PDE4D: variants seen among roughly 807,000 people sequenced by gnomAD.
PDE4D encodes 3',5'-cyclic-AMP phosphodiesterase 4D.
Under a neutral mutation model 87.4 loss-of-function variants are expected in PDE4D, and 24 were observed. The observed-to-expected ratio is 0.27, with a 90% confidence interval of 0.20 to 0.39. The LOEUF is 0.39. Ranked by LOEUF, PDE4D falls within the 10% of genes least tolerant of loss-of-function variation. The pLI is 1.00. For synonymous variants in PDE4D, 384 were observed against 383.2 expected (o/e 1.00, Z -0.02); for missense variants, 714 against 1,041.0 (o/e 0.69, Z 4.32).
intron 1 of PDE4D, among the ~76,000 whole-genome samples, chr5:59,649,551 C>A (rs894619517): frequency 6.6e-6 from 1 of 151,926 alleles, no homozygotes; most frequent in Non-Finnish European, 1.5e-5. Context: ...CCTTGGGAAG[C>A]AGGATTTTGA....
intron 1 of PDE4D, among the ~76,000 whole-genome samples, chr5:59,659,825 C>A (rs572145758): frequency 6.6e-6 from 1 of 152,250 alleles, no homozygotes; most frequent in South Asian, 2.1e-4. Flanking sequence ...CATCAAGATA[C>A]CAGCAGTTAG....
chr5:60,163,245 C>T (rs1782611160), intron 2 of PDE4D, among the ~76,000 whole-genome samples: 1 of 152,138 alleles, frequency 6.6e-6, no homozygotes, highest in African/African-American at 2.4e-5. Flanking sequence ...TTGTTATTCT[C>T]TCTCCACTTT....
intron 1 of PDE4D, among the ~76,000 whole-genome samples, chr5:60,462,951 A>C (rs971222146): frequency 1.3e-5 from 2 of 152,226 alleles, no homozygotes; most frequent in East Asian, 3.9e-4. Flanking sequence ...GTTTTCCTAC[A>C]AAGTTTGCTC....
At chr5:59,363,128 T>C (rs1336749557) in intron 1 of PDE4D, among the ~76,000 whole-genome samples, 3 of 152,192 alleles carry the variant, frequency 2.0e-5, no homozygotes, top group Non-Finnish European at 4.4e-5. Flanking sequence ...GTTTATTCTG[T>C]GGTGTTTATT....
intron 1 of PDE4D, among the ~76,000 whole-genome samples, chr5:60,416,447 G>T (rs1742572494): frequency 6.6e-6 from 1 of 152,140 alleles, no homozygotes; most frequent in Non-Finnish European, 1.5e-5. Context: ...AAGGTCTGCA[G>T]CTTCACTCCG....
chr5:60,162,802 G>A (rs1034197875), intron 2 of PDE4D, among the ~76,000 whole-genome samples: 2 of 151,822 alleles, frequency 1.3e-5, no homozygotes, highest in Non-Finnish European at 2.9e-5. Context: ...GGCAAAGGAA[G>A]AAATTAATTT....
intron 1 of PDE4D, among the ~76,000 whole-genome samples, chr5:60,284,214 G>A (rs754887665): frequency 1.3e-5 from 2 of 152,206 alleles, no homozygotes; most frequent in East Asian, 1.9e-4. Flanking sequence ...AGTATAGAGA[G>A]CTATTAATGT....
chr5:60,514,067 C>G (rs896300609), intron 1 of PDE4D, among the ~76,000 whole-genome samples: 10 of 151,564 alleles, frequency 6.6e-5, no homozygotes, highest in African/African-American at 2.4e-4. Flanking sequence ...TTTGAAATGA[C>G]TAATAAAACT....
At chr5:59,844,004 G>A (rs531348142) in intron 1 of PDE4D, among the ~76,000 whole-genome samples, 9 of 152,028 alleles carry the variant, frequency 5.9e-5, no homozygotes, top group Non-Finnish European at 1.0e-4. Context: ...ATCAGAGTAG[G>A]TCTGTTATAC....
chr5:59,987,750 C>G (rs1428728679), intron 3 of PDE4D: 1 of 152,158 alleles, frequency 6.6e-6, no homozygotes, highest in African/African-American at 2.4e-5. Context: ...CAGCTGGTCA[C>G]AAGAACAAAT....
At chr5:60,135,918 A>G (rs1029291343) in intron 2 of PDE4D, among the ~76,000 whole-genome samples, 2 of 152,184 alleles carry the variant, frequency 1.3e-5, no homozygotes, top group African/African-American at 2.4e-5. Context: ...AGCTTCTTTG[A>G]CAATAGACCT....
intron 2 of PDE4D, among the ~76,000 whole-genome samples, chr5:59,214,971 A>C (rs950520490): frequency 1.3e-5 from 2 of 152,174 alleles, no homozygotes; most frequent in African/African-American, 4.8e-5. Flanking sequence ...AAGATGGTGA[A>C]TGTTATTGGA....
At chr5:59,268,666 T>C (rs965793428) in intron 1 of PDE4D, among the ~76,000 whole-genome samples, 1 of 152,128 alleles carries the variant, frequency 6.6e-6, no homozygotes, top group African/African-American at 2.4e-5. Context: ...ATTAAGACTG[T>C]GCTTTCTTTG....
chr5:60,324,366 G>A (rs1241914571), intron 1 of PDE4D, among the ~76,000 whole-genome samples: 1 of 152,172 alleles, frequency 6.6e-6, no homozygotes, highest in African/African-American at 2.4e-5. Context: ...ATCATGTTCA[G>A]TAGTTTTTTA....
At chr5:60,088,121 A>G (rs1327528494) in intron 2 of PDE4D, among the ~76,000 whole-genome samples, 1 of 152,110 alleles carries the variant, frequency 6.6e-6, no homozygotes, top group Non-Finnish European at 1.5e-5. Context: ...GGAAACAAAT[A>G]CAAAAAGCCA....
intron 5 of PDE4D, among the ~76,000 whole-genome samples, chr5:59,052,925 CT>C (rs1161151667): frequency 6.6e-6 from 1 of 151,996 alleles, no homozygotes; most frequent in Non-Finnish European, 1.5e-5. Flanking sequence ...ATAAGAGCTG[CT>C]TTTAATAGTA....
chr5:59,480,835 T>C (rs1016782707), intron 1 of PDE4D, among the ~76,000 whole-genome samples: 11 of 152,192 alleles, frequency 7.2e-5, no homozygotes, highest in African/African-American at 2.7e-4. Flanking sequence ...TGTCATTTAC[T>C]TTATTACAAT....
rs928175542 is a variant in PDE4D at position 59,592,063 on chromosome 5, A to C, written c.455+301105T>G. 1.1e-5 allele frequency: 9 copies of C among 799,466 alleles called. No individual in the cohort carries two copies. The African/African-American group carries it at 1.7e-4, about 15-fold the overall frequency. The allele number at this position is 799,466 out of a possible 1,614,324, so 49.5% of individuals were successfully genotyped here. The stretch of plus-strand genomic sequence containing the variant: ...GAGTGTGCCATCAGAATGAGACCTG[A>C]GGTGGCTGTGCTTCCAACCCCACCT... On this transcript the variant is annotated intron_variant, in intron 1 of 14. Coordinates refer to ENST00000340635, the MANE Select transcript of PDE4D (RefSeq NM_001104631.2).
intron 1 of PDE4D, among the ~76,000 whole-genome samples, chr5:59,224,850 C>A (rs1339067879): frequency 1.3e-5 from 2 of 152,174 alleles, no homozygotes; most frequent in Non-Finnish European, 2.9e-5. Flanking sequence ...GAGCCCTCAA[C>A]AGGAACCAAA....
Sources: gnomAD v4.1 joint callset for allele counts (sites outside exome capture counted in the v4.1 genomes callset) on GRCh38, gnomAD v4.1.1 for gene constraint, MANE v1.5 for transcripts, NCBI Gene and HGNC (gene_info 2026-07-23, HGNC 2026-07-21) for gene names.